Variants in CCDC192 observed in about 807,000 individuals in gnomAD.
CCDC192 encodes coiled-coil domain containing 192, also known as coiled-coil domain-containing protein 192.
chr5:127,931,947 C>A (rs979852847), intron 6 of CCDC192, among the ~76,000 whole-genome samples: 1 of 151,756 alleles, frequency 6.6e-6, no homozygotes, highest in East Asian at 2.0e-4. Flanking sequence ...GTCAGGAGAT[C>A]GAGACCATCC....
chr5:127,889,861 A>G (rs530777843), intron 6 of CCDC192, among the ~76,000 whole-genome samples: 1 of 150,812 alleles, frequency 6.6e-6, no homozygotes, highest in Non-Finnish European at 1.5e-5. Flanking sequence ...TGGCCATGCC[A>G]CTGGTCAACA....
chr5:127,758,053 G>A (rs1754711619), intron 3 of CCDC192, among the ~76,000 whole-genome samples: 1 of 151,928 alleles, frequency 6.6e-6, no homozygotes, highest in Non-Finnish European at 1.5e-5. Context: ...TGAAGCAGTG[G>A]AAGCTTGCAA....
intron 2 of CCDC192, among the ~76,000 whole-genome samples, chr5:127,733,162 T>A (rs1413750062): frequency 1.3e-5 from 2 of 152,134 alleles, no homozygotes; most frequent in Non-Finnish European, 2.9e-5. Context: ...CTATGTGCAT[T>A]TTCTAACAAG....
chr5:127,710,002 C>T (rs1396567441), intron 2 of CCDC192, among the ~76,000 whole-genome samples: 2 of 152,138 alleles, frequency 1.3e-5, no homozygotes, highest in Non-Finnish European at 2.9e-5. Context: ...CAATTACCTA[C>T]TACCTTTAGG....
At chr5:127,806,708 G>T (rs533656510) in intron 5 of CCDC192, among the ~76,000 whole-genome samples, 2 of 152,072 alleles carry the variant, frequency 1.3e-5, no homozygotes, top group Non-Finnish European at 2.9e-5. Context: ...TCCCCACTCT[G>T]ATCCTGAGCC....
intron 6 of CCDC192, among the ~76,000 whole-genome samples, chr5:127,893,136 T>C (rs1309726357): frequency 6.6e-6 from 1 of 152,156 alleles, no homozygotes; most frequent in Non-Finnish European, 1.5e-5. Context: ...TCCACTCCCA[T>C]GTTTTACAGA....
chr5:127,817,199 A>T (rs950074545), intron 5 of CCDC192, among the ~76,000 whole-genome samples: 2 of 152,184 alleles, frequency 1.3e-5, no homozygotes, highest in African/African-American at 2.4e-5. Flanking sequence ...TAATAAAGTG[A>T]TTCTCAAATT....
rs1287739210 is a variant in CCDC192, at chr5:127,821,754, T to C, written c.411+23592T>C. Among the ~76,000 whole-genome samples the C allele has an allele frequency of 2.0e-5, 3 of 152,252 alleles. No individual in the cohort carries two copies. The East Asian group carries it at 5.8e-4, about 29-fold the overall frequency. On this transcript the variant is annotated intron_variant, in intron 5 of 6. Transcript: ENST00000514853. The stretch of plus-strand genomic sequence containing the variant: ...GACCCAATGATGTTTGAAGACCCTT[T>C]CCTAGTAGGTGACTATTTCTTCCAT...
At chr5:127,713,951 C>G (rs143277625) in intron 2 of CCDC192, among the ~76,000 whole-genome samples, 25 of 152,314 alleles carry the variant, frequency 1.6e-4, no homozygotes, top group African/African-American at 6.0e-4. Context: ...ACTTATTCCT[C>G]CTATCTAGCT....
intron 3 of CCDC192, among the ~76,000 whole-genome samples, chr5:127,774,257 T>G (rs1755726178): frequency 6.6e-6 from 1 of 152,192 alleles, no homozygotes; most frequent in Non-Finnish European, 1.5e-5. Flanking sequence ...AGTTCTCAAT[T>G]TTGGCCAAGT....
chr5:127,758,183 G>A (rs1020612558), intron 3 of CCDC192, among the ~76,000 whole-genome samples: 6 of 152,134 alleles, frequency 3.9e-5, no homozygotes, highest in African/African-American at 1.2e-4. Context: ...AAGTATAGGT[G>A]CCTAGTGTTG....
chr5:127,926,971 A>G (rs1158980201), intron 6 of CCDC192, among the ~76,000 whole-genome samples: 2 of 152,198 alleles, frequency 1.3e-5, no homozygotes, highest in Admixed American at 6.5e-5. Context: ...GCTCTGAGGA[A>G]GACTGTCAAC....
intron 2 of CCDC192, among the ~76,000 whole-genome samples, chr5:127,725,516 G>C (rs1169523502): frequency 1.3e-5 from 2 of 152,026 alleles, no homozygotes; most frequent in Non-Finnish European, 2.9e-5. Flanking sequence ...ACATATAATT[G>C]ATATAAAATA....
At chr5:127,798,024 G>A (rs1757276388) in intron 4 of CCDC192, 82 bp from the exon 5 acceptor site, 1 of 395,672 alleles carries the variant, frequency 2.5e-6, no homozygotes, top group Non-Finnish European at 4.5e-6. Context: ...TTTGAAAACT[G>A]ATACACATTT....
chr5:127,850,730 C>A (rs1456846827), intron 5 of CCDC192, among the ~76,000 whole-genome samples: 2 of 152,132 alleles, frequency 1.3e-5, no homozygotes, highest in Non-Finnish European at 2.9e-5. Flanking sequence ...ATTTGGGAGG[C>A]CGAGGCAGGC....
At chr5:127,912,146 G>A (rs1753382376) in intron 6 of CCDC192, among the ~76,000 whole-genome samples, 1 of 149,812 alleles carries the variant, frequency 6.7e-6, no homozygotes, top group East Asian at 2.0e-4. Flanking sequence ...TGGCCAGGCT[G>A]GTCTCGAACT....
upstream of CCDC192, among the ~76,000 whole-genome samples, chr5:127,702,281 C>T (rs1470213600): frequency 1.3e-5 from 2 of 150,514 alleles, no homozygotes; most frequent in Admixed American, 1.3e-4. Context: ...CTTAAAGTAA[C>T]AAATCCAAAG....
rs140726654 is a variant in CCDC192, at chr5:127,769,413, ATGTGTG to A, written c.222+15060_222+15065del. Among the ~76,000 whole-genome samples, 1,095 of 146,296 alleles carry A rather than the reference ATGTGTG, an allele frequency of 7.5e-3. 14 individuals are homozygous for A. The highest frequency in any genetic ancestry group is 0.026 in the African/African-American group (1,040 of 40,194). On this transcript the variant is annotated intron_variant, in intron 3 of 6. Coordinates refer to ENST00000514853, the MANE Select transcript of CCDC192 (RefSeq NM_001317938.2). ...AAATAGGTTGTTGGATTTTGTGTGT[ATGTGTG>A]TGTGTGTGTGTGTGTGTGTGTCTGA...
At chr5:127,911,105 T>G (rs1753332762) in intron 6 of CCDC192, among the ~76,000 whole-genome samples, 1 of 152,218 alleles carries the variant, frequency 6.6e-6, no homozygotes, top group Non-Finnish European at 1.5e-5. Flanking sequence ...TCAGTCCAAT[T>G]ATCAAATCCT....
Sources: gnomAD v4.1 joint callset for allele counts (sites outside exome capture counted in the v4.1 genomes callset) on GRCh38, gnomAD v4.1.1 for gene constraint, MANE v1.5 for transcripts, NCBI Gene and HGNC (gene_info 2026-07-23, HGNC 2026-07-21) for gene names.